FRMD8: variants seen among roughly 807,000 people sequenced by gnomAD.
FRMD8 encodes the protein FERM domain containing 8.
A neutral mutation model predicts 54.2 loss-of-function variants in FRMD8; 37 were observed. The ratio of observed to expected loss-of-function variants is 0.68; its 90% CI spans 0.53 to 0.90. The LOEUF is 0.90. Among genes scored for constraint, FRMD8 ranks in the 40% least tolerant of loss-of-function variants. FRMD8 has a pLI of 0.00. For synonymous variants in FRMD8, 246 were observed against 286.9 expected (o/e 0.86, Z 1.44); for missense variants, 585 against 653.7 (o/e 0.89, Z 1.15).
chr11:65,392,599 G>C (rs1402804932), intron 3 of FRMD8, among the ~76,000 whole-genome samples: 1 of 152,206 alleles, frequency 6.6e-6, no homozygotes, highest in African/African-American at 2.4e-5. Context: ...CCTGGGTCCA[G>C]AGCAGTGGTG....
intron 9 of FRMD8, among the ~76,000 whole-genome samples, chr11:65,403,114 G>A (rs1856116737): frequency 6.6e-6 from 1 of 152,190 alleles, no homozygotes; most frequent in African/African-American, 2.4e-5. Flanking sequence ...CTGGGCTCAA[G>A]TGATTCTCCC....
the FRMD8 span, chr11:65,380,298 G>A: frequency 4.3e-6 from 6 of 1,400,320 alleles, no homozygotes; most frequent in African/African-American, 5.7e-5. Context: ...TCAGACACAT[G>A]CAGCCACCTT....
At chr11:65,369,460 G>C in the FRMD8 span, among the ~76,000 whole-genome samples, 1 of 152,084 alleles carries the variant, frequency 6.6e-6, no homozygotes, top group Non-Finnish European at 1.5e-5. Context: ...TGGATGCAGT[G>C]GCTCATGCCT....
chr11:65,379,596 C>A, the FRMD8 span: 51 of 1,570,544 alleles, frequency 3.2e-5, no homozygotes, highest in African/African-American at 6.2e-4. Context: ...GAGTAGGCAC[C>A]GTGGGGCCTC....
the FRMD8 span, chr11:65,380,448 A>T: frequency 9.0e-7 from 1 of 1,115,108 alleles, no homozygotes; most frequent in Non-Finnish European, 1.3e-6. Flanking sequence ...CCAGCCAAAG[A>T]CGTACGTGTC....
In FRMD8 at chr11:65,387,531, T is replaced by C. The variant is rs140069809; in HGVS notation, c.85+410T>C. On this transcript the variant is annotated intron_variant, in intron 2 of 10. Transcript: ENST00000317568. Reference sequence around the variant, plus strand: ...TCACTTTCTTTGTGTCATTTCTTTTTTTCTTTCTTTCCTTTCTTTCTTTCT... The same window carrying C: ...TCACTTTCTTTGTGTCATTTCTTTTCTTCTTTCTTTCCTTTCTTTCTTTCT... Among the ~76,000 whole-genome samples, 504 of 152,140 alleles carry C rather than the reference T, an allele frequency of 3.3e-3. 5 individuals carry two copies. Among genetic ancestry groups the C allele is most frequent in the African/African-American group, 0.011 (473 of 41,510 alleles).
chr11:65,377,097 G>A, the FRMD8 span: 4 of 1,606,092 alleles, frequency 2.5e-6, no homozygotes, highest in East Asian at 4.5e-5. Context: ...TGAAACATGA[G>A]GGCCCCGGGT....
chr11:65,388,337 C>T (rs373732540), intron 2 of FRMD8, among the ~76,000 whole-genome samples: 2 of 152,156 alleles, frequency 1.3e-5, no homozygotes, highest in Admixed American at 6.6e-5. Context: ...TGAGCCTCCT[C>T]GAAGTGATTT....
intron 3 of FRMD8, among the ~76,000 whole-genome samples, chr11:65,392,904 C>A (rs1361800751): frequency 6.6e-6 from 1 of 152,050 alleles, no homozygotes; most frequent in Non-Finnish European, 1.5e-5. Context: ...GCAAAGGAGT[C>A]CAGGAAAAGA....
chr11:65,395,039 G>C (rs986123447), intron 6 of FRMD8, among the ~76,000 whole-genome samples: 5 of 152,192 alleles, frequency 3.3e-5, no homozygotes, highest in African/African-American at 1.2e-4. Context: ...TTAAGGTCAG[G>C]AGTATGAGAC....
At chr11:65,402,114 C>G (rs1039139769) in intron 9 of FRMD8, among the ~76,000 whole-genome samples, 14 of 151,854 alleles carry the variant, frequency 9.2e-5, no homozygotes, top group Admixed American at 6.6e-5. Flanking sequence ...TTTGGGAAGC[C>G]AAGGTGGGCG....
chr11:65,383,713 A>G (rs1427351086), upstream of FRMD8: 1 of 133,284 alleles, frequency 7.5e-6, no homozygotes, highest in Non-Finnish European at 1.5e-5. Flanking sequence ...AGCCAAGATC[A>G]TGCCACTATA....
At chr11:65,399,407 G>A (rs1049456341) in intron 7 of FRMD8, among the ~76,000 whole-genome samples, 1 of 152,082 alleles carries the variant, frequency 6.6e-6, no homozygotes, top group Non-Finnish European at 1.5e-5. Flanking sequence ...AGGCTCTCCT[G>A]GCCACCTCCA....
At chr11:65,379,902 C>T in the FRMD8 span, 928 of 1,614,198 alleles carry the variant, frequency 5.7e-4, 5 homozygotes, top group African/African-American at 0.011. Context: ...ATGCAATCAA[C>T]GATGCCCCGG....
the FRMD8 span, chr11:65,380,099 C>T: frequency 6.2e-7 from 1 of 1,608,102 alleles, no homozygotes; most frequent in African/African-American, 1.3e-5. Flanking sequence ...CAGGTGAGAT[C>T]TTTCATTCCT....
At position 65,401,288 on chromosome 11, in the gene FRMD8, G is replaced by A. The variant is rs964539350; in HGVS notation, c.1071+421G>A. 1.8e-4 allele frequency among the ~76,000 whole-genome samples: 26 copies of A among 148,556 alleles called. 1 individual carries two copies. The highest frequency in any genetic ancestry group is 5.3e-4 in the African/African-American group (21 of 39,630). On this transcript the variant is annotated intron_variant, in intron 9 of 10. Transcript: ENST00000317568. ...CATTCGTCGTGTTTTACTCAGCACCGAGCACCTCTTCTACCCCAGCCTCCC... is the reference window on the plus strand; with the variant it reads ...CATTCGTCGTGTTTTACTCAGCACCAAGCACCTCTTCTACCCCAGCCTCCC...
chr11:65,393,580 G>A lies in FRMD8; in HGVS notation c.261G>A (p.Gln87=), dbSNP rs753970551. 9 of 1,608,120 alleles carry A rather than the reference G, an allele frequency of 5.6e-6. No homozygotes were observed. In the South Asian group the frequency reaches 6.6e-5, roughly 12 times the overall value. The change falls in exon 4 of 11, where the codon CAG becomes CAA. Residue 87 remains glutamine, a synonymous_variant. Transcript: ENST00000317568. ...CCCCATCTCGTCCTGCAGAGGTGCA[G>A]CTGAAACCCAAGCACCAGCCCTACA... The part of the protein sequence containing the change: ...LWLVSPLLEV[Q]LKPKHQPYKL...
chr11:65,393,392 C>T (rs1855880232), intron 3 of FRMD8, among the ~76,000 whole-genome samples, 181 bp from the exon 4 acceptor site: 1 of 152,232 alleles, frequency 6.6e-6, no homozygotes, highest in South Asian at 2.1e-4. Flanking sequence ...CTCTGAGGCT[C>T]ATTTGCTCTA....
chr11:65,389,489 C>G lies in FRMD8; in HGVS notation c.214C>G (p.Leu72Val). The G allele has an allele frequency of 6.2e-7, 1 of 1,607,356 alleles. No individual in the cohort carries two copies. Among genetic ancestry groups the G allele is most frequent in the Non-Finnish European group, 8.5e-7 (1 of 1,179,728 alleles). The change falls in exon 3 of 11, where the codon CTG becomes GTG. Residue 72 changes from leucine (L) to valine (V), a missense_variant. Physicochemically the swap from Leu to Val is conservative, Grantham distance 32 (BLOSUM62 1). Coordinates refer to ENST00000317568, the MANE Select transcript of FRMD8 (RefSeq NM_031904.5). The part of the protein sequence containing the change: ...REVLQLPDIA[L>V]DVFALWLVSP... ...GGTCCTGCAGCTTCCAGACATCGCC[C>G]TGGATGTCTTCGCGCTCTGGCTGGT...
Sources: gnomAD v4.1 joint callset for allele counts (sites outside exome capture counted in the v4.1 genomes callset) on GRCh38, gnomAD v4.1.1 for gene constraint, MANE v1.5 for transcripts, NCBI Gene and HGNC (gene_info 2026-07-23, HGNC 2026-07-21) for gene names.